The following RIMS1 variants were observed in gnomAD, a reference collection of about 807,000 sequenced individuals.
The protein encoded by RIMS1 is regulating synaptic membrane exocytosis protein 1.
RIMS1 carries 83 observed loss-of-function variants against 214.1 expected under a neutral mutation model. That is an observed-to-expected ratio of 0.39 (90% confidence interval 0.32 to 0.47). RIMS1 has a LOEUF of 0.47. RIMS1 is among the 20% of genes least tolerant of loss of function. RIMS1 has a pLI of 0.99. For missense variants in RIMS1, 2,050 were observed against 2,161.8 expected (o/e 0.95, Z 1.03); for synonymous variants, 793 against 786.8 (o/e 1.01, Z -0.13).
chr6:72,081,951 A>G (rs1409778571), intron 2 of RIMS1, among the ~76,000 whole-genome samples: 2 of 152,216 alleles, frequency 1.3e-5, no homozygotes, highest in Non-Finnish European at 2.9e-5. Context: ...GAAGAAAATT[A>G]CATCTTGTCA....
At chr6:72,253,429 G>C (rs189231808) in intron 16 of RIMS1, among the ~76,000 whole-genome samples, 1 of 152,254 alleles carries the variant, frequency 6.6e-6, no homozygotes, top group African/African-American at 2.4e-5. Flanking sequence ...TAAAACTTTT[G>C]TGATGTTGTA....
chr6:71,911,286 T>C (rs564734211), intron 1 of RIMS1, among the ~76,000 whole-genome samples: 1 of 152,288 alleles, frequency 6.6e-6, no homozygotes, highest in South Asian at 2.1e-4. Context: ...AGTTCATCTG[T>C]GGATGAGAGC....
At chr6:72,365,230 T>C (rs1456438976) in intron 29 of RIMS1, among the ~76,000 whole-genome samples, 1 of 152,252 alleles carries the variant, frequency 6.6e-6, no homozygotes, top group Non-Finnish European at 1.5e-5. Context: ...TTTTACGTTC[T>C]TTCTCTGTGC....
intron 9 of RIMS1, among the ~76,000 whole-genome samples, chr6:72,239,584 A>C (rs532425126): frequency 1.3e-5 from 2 of 152,326 alleles, no homozygotes; most frequent in South Asian, 4.1e-4. Flanking sequence ...CGGTGCAATC[A>C]ATGTGACTTT....
rs193162047 is a variant in RIMS1, at chr6:72,113,743, C to T, written c.471+13757C>T. On this transcript the variant is annotated intron_variant, in intron 4 of 33. Transcript: ENST00000521978. ...TTTGCAACTGTAACTGGGCTGATCA[C>T]CAATTAGTGAAATTCAGTGAGTTTG... Among the ~76,000 whole-genome samples, 423 of 152,034 alleles carry T rather than the reference C, an allele frequency of 2.8e-3. 2 individuals are homozygous for T. The highest frequency in any genetic ancestry group is 9.9e-3 in the African/African-American group (412 of 41,488).
chr6:72,371,552 T>A (rs1189545351), intron 29 of RIMS1, among the ~76,000 whole-genome samples: 1 of 152,192 alleles, frequency 6.6e-6, no homozygotes, highest in African/African-American at 2.4e-5. Flanking sequence ...AAGTGTGAAG[T>A]ATACCCTGAA....
intron 30 of RIMS1, among the ~76,000 whole-genome samples, chr6:72,391,368 T>C (rs1245804742): frequency 2.0e-5 from 3 of 150,972 alleles, no homozygotes; most frequent in Non-Finnish European, 3.0e-5. Flanking sequence ...TTTTTTTTTT[T>C]ACCATTTCAT....
At chr6:71,938,731 G>A (rs1785189207) in intron 1 of RIMS1, among the ~76,000 whole-genome samples, 1 of 152,146 alleles carries the variant, frequency 6.6e-6, no homozygotes, top group Non-Finnish European at 1.5e-5. Context: ...TGTGATGGGA[G>A]GGGCAACCTT....
At chr6:72,399,864 A>G (rs2098821128) in intron 33 of RIMS1, among the ~76,000 whole-genome samples, 1 of 152,184 alleles carries the variant, frequency 6.6e-6, no homozygotes, top group Admixed American at 6.5e-5. Flanking sequence ...GTCTGACACT[A>G]GTAGCCAATA....
At chr6:72,383,149 C>T (rs886835458) in intron 29 of RIMS1, among the ~76,000 whole-genome samples, 11 of 152,116 alleles carry the variant, frequency 7.2e-5, no homozygotes, top group Admixed American at 7.2e-4. Context: ...ATTATTCTCT[C>T]CCCTTCTCTT....
chr6:72,076,452 A>G (rs1023230411), intron 2 of RIMS1, among the ~76,000 whole-genome samples: 1 of 152,130 alleles, frequency 6.6e-6, no homozygotes, highest in Admixed American at 6.5e-5. Flanking sequence ...ATGGACACTC[A>G]TCCCACCTTG....
intron 29 of RIMS1, among the ~76,000 whole-genome samples, chr6:72,375,261 T>C (rs1049763188): frequency 1.3e-5 from 2 of 152,222 alleles, no homozygotes; most frequent in African/African-American, 4.8e-5. Flanking sequence ...TGATTTTCTC[T>C]TGGCCTCTCT....
chr6:72,399,122 C>T, intron 33 of RIMS1, 28 bp downstream of exon 33: 2 of 1,549,752 alleles, frequency 1.3e-6, no homozygotes, highest in South Asian at 1.3e-5. Flanking sequence ...TGGCTTTTTA[C>T]ATTGAAATGT....
At chr6:72,333,305 G>T (rs1044280762) in intron 28 of RIMS1, among the ~76,000 whole-genome samples, 4 of 151,686 alleles carry the variant, frequency 2.6e-5, no homozygotes, top group African/African-American at 9.7e-5. Flanking sequence ...TACAAAATTG[G>T]TCAGTAACAT....
chr6:72,153,453 A>G (rs962763839), intron 4 of RIMS1, among the ~76,000 whole-genome samples: 5 of 152,268 alleles, frequency 3.3e-5, no homozygotes, highest in Admixed American at 2.0e-4. Flanking sequence ...CTAAGTTTGT[A>G]AGAACCACAA....
intron 16 of RIMS1, among the ~76,000 whole-genome samples, chr6:72,256,055 C>T (rs2075707128): frequency 6.7e-6 from 1 of 149,690 alleles, no homozygotes. Context: ...AATTTAATCC[C>T]AGTCATGGTT....
intron 27 of RIMS1, among the ~76,000 whole-genome samples, chr6:72,311,851 G>T (rs1264885715): frequency 5.9e-5 from 9 of 152,094 alleles, no homozygotes; most frequent in South Asian, 2.1e-4. Context: ...TGCGCCTGTA[G>T]TCCCAGCTAC....
At chr6:72,024,602 G>A (rs928607148) in intron 2 of RIMS1, among the ~76,000 whole-genome samples, 1 of 151,912 alleles carries the variant, frequency 6.6e-6, no homozygotes, top group Non-Finnish European at 1.5e-5. Flanking sequence ...CAGTTTTCAG[G>A]GGTCTGCAGA....
At chr6:72,092,983 A>G (rs745973826) in intron 2 of RIMS1, among the ~76,000 whole-genome samples, 3 of 152,086 alleles carry the variant, frequency 2.0e-5, no homozygotes, top group East Asian at 1.9e-4. Flanking sequence ...TTGCTATTCA[A>G]TGCTATTTGA....
Sources: allele counts gnomAD v4.1 joint callset (sites outside exome capture counted in the v4.1 genomes callset), GRCh38; gene constraint gnomAD v4.1.1; transcripts MANE v1.5; gene names NCBI Gene and HGNC (gene_info 2026-07-23, HGNC 2026-07-21).